Variants in TGM2 observed in about 807,000 individuals in gnomAD.
TGM2 encodes the protein protein-glutamine gamma-glutamyltransferase 2.
Under a neutral mutation model 75.6 loss-of-function variants are expected in TGM2, and 53 were observed. That is an observed-to-expected ratio of 0.70 (90% CI 0.56 to 0.88). TGM2 has a LOEUF of 0.88. Ranked by LOEUF, TGM2 falls within the 40% of genes least tolerant of loss-of-function variation. The probability of loss-of-function intolerance (pLI) is 0.00; values close to 1 mark genes in which losing one functional copy is unlikely to be tolerated. For synonymous variants in TGM2, 374 were observed against 381.1 expected, an observed-to-expected ratio of 0.98 and a Z score of 0.22; for missense variants, 842 against 928.5, an observed-to-expected ratio of 0.91 and a Z score of 1.21.
In TGM2 at chr20:38,131,185, C is replaced by A. The variant is rs756907884; in HGVS notation, c.1821G>T (p.Val607=). The A allele has an allele frequency of 6.2e-7, 1 of 1,613,824 alleles. No homozygotes were observed. Among genetic ancestry groups the A allele is most frequent in the Non-Finnish European group, 8.5e-7 (1 of 1,180,020 alleles). The change falls in exon 12 of 13, where the codon GTG becomes GTT. Residue 607 remains valine (V), a synonymous_variant. Coordinates refer to ENST00000361475, the MANE Select transcript of TGM2 (RefSeq NM_004613.4). ...PKQKRKLVAE[V]SLQNPLPVAL... is the part of the protein sequence containing the mutation. ...CCACAGGGAGCGGGTTCTGCAGGGA[C>A]ACCTCAGCCACCAGCTTGCGTTTCT...
chr20:38,147,904 G>A (rs914103283), intron 5 of TGM2, 57 bp downstream of exon 5: 9 of 1,574,270 alleles, frequency 5.7e-6, no homozygotes, highest in Middle Eastern at 2.3e-4. Context: ...GCGAGGGAGA[G>A]GCCTGCGGGA....
intron 7 of TGM2, 40 bp from the exon 8 acceptor site, chr20:38,141,425 G>T: frequency 6.9e-7 from 1 of 1,457,748 alleles, no homozygotes; most frequent in Non-Finnish European, 9.4e-7. Flanking sequence ...CAGAACATGA[G>T]CAACATTCAT....
chr20:38,147,090 G>A (rs1389539399), intron 5 of TGM2, among the ~76,000 whole-genome samples, 196 bp from the exon 6 acceptor site: 4 of 152,106 alleles, frequency 2.6e-5, no homozygotes, highest in Non-Finnish European at 5.9e-5. Context: ...GGGGACAGGA[G>A]GGAGATGGGG....
Position 38,155,759 on chromosome 20 carries a change from C to T in TGM2, c.433+88G>A, listed in dbSNP as rs2075176076. ...CCACTTTGATGTGTGTCTCTTATCC[C>T]CTGTTCTTCTCACCTCCAGTAGCCT... is the stretch of plus-strand genomic sequence containing the variant. On this transcript the variant is annotated intron_variant, in intron 3 of 12. Transcript: ENST00000361475. The T allele has an allele frequency of 1.7e-5, 26 of 1,504,416 alleles. No homozygotes were observed. The South Asian group carries it at 3.2e-4, about 19-fold the overall frequency. 93.2% of individuals were successfully genotyped at this position (1,504,416 alleles called of 1,614,324 possible).
In TGM2 at chr20:38,138,377, CTGAGGACCCTGTAGGGGT is replaced by C; in HGVS notation, c.1343-10_1350del. ...GCCCTTGTGAAGGCCTCCCTCTCCTCTGAGGACCCTGTAGGGGTTGAGAAGAGAGCCTCAATCACAGCT... is the reference window on the plus strand; with the variant it reads ...GCCCTTGTGAAGGCCTCCCTCTCCTCTGAGAAGAGAGCCTCAATCACAGCT... On this transcript the variant is annotated splice_acceptor_variant and splice_polypyrimidine_tract_variant and coding_sequence_variant and intron_variant, in exon 10 of 13. Transcript: ENST00000361475. LOFTEE classifies it high-confidence loss of function. 1 of 1,614,014 alleles carries C rather than the reference CTGAGGACCCTGTAGGGGT, an allele frequency of 6.2e-7. No individual in the cohort carries two copies. The highest frequency in any genetic ancestry group is 8.5e-7 in the Non-Finnish European group (1 of 1,180,044).
chr20:38,146,881 T>C lies in TGM2; in HGVS notation c.695A>G (p.Asp232Gly), dbSNP rs1474904062. 1 of 1,613,246 alleles carries C rather than the reference T, an allele frequency of 6.2e-7. No homozygotes were observed. The highest frequency in any genetic ancestry group is 1.7e-5 in the Admixed American group (1 of 60,030). Reference sequence around the variant, plus strand: ...GCGTCCCAGCAGCACACCCTGGTCATCGTTGCAGTTGACCTGCAACCAGTG... The same window carrying C: ...GCGTCCCAGCAGCACACCCTGGTCACCGTTGCAGTTGACCTGCAACCAGTG... ...RVVSGMVNCNDDQGVLLGRWD... is the reference protein window; with the variant it reads ...RVVSGMVNCNGDQGVLLGRWD... The change falls in exon 6 of 13, where the codon GAT becomes GGT. Residue 232 changes from aspartate (D) to glycine (G), a missense_variant. Asp to Gly is a moderately conservative substitution (Grantham distance 94). Transcript: ENST00000361475.
chr20:38,145,014 G>A (rs2122899621), intron 6 of TGM2, among the ~76,000 whole-genome samples: 1 of 152,310 alleles, frequency 6.6e-6, no homozygotes, highest in Non-Finnish European at 1.5e-5. Flanking sequence ...GGTTTTTCCA[G>A]GAAAACCCAT....
intron 4 of TGM2, among the ~76,000 whole-genome samples, chr20:38,149,789 T>C (rs1031353759): frequency 6.6e-6 from 1 of 151,896 alleles, no homozygotes; most frequent in Admixed American, 6.6e-5. Context: ...AGCCAATTCA[T>C]TTTCTGATGT....
intron 4 of TGM2, 39 bp downstream of exon 4, chr20:38,150,900 G>A (rs2075107640): frequency 4.0e-6 from 6 of 1,488,236 alleles, no homozygotes; most frequent in African/African-American, 1.4e-5. Context: ...CACACAGAAG[G>A]GCCTGAGATG....
intron 10 of TGM2, among the ~76,000 whole-genome samples, chr20:38,134,380 G>A (rs1006479356): frequency 6.6e-6 from 1 of 152,198 alleles, no homozygotes; most frequent in Non-Finnish European, 1.5e-5. Context: ...AGACCTGGTG[G>A]TGCAGAGTGG....
intron 3 of TGM2, among the ~76,000 whole-genome samples, chr20:38,154,733 C>T (rs2122947767): frequency 6.6e-6 from 1 of 152,050 alleles, no homozygotes; most frequent in Admixed American, 6.5e-5. Context: ...TCCTACTCAC[C>T]CCCCTCCCCC....
chr20:38,131,253 G>A (rs1163203609), intron 11 of TGM2, 24 bp from the exon 12 acceptor site: 3 of 1,613,162 alleles, frequency 1.9e-6, no homozygotes, highest in East Asian at 2.2e-5. Flanking sequence ...TGGGGCAGAT[G>A]TCAAGGGCAG....
In TGM2 at chr20:38,129,990, C is replaced by A. The variant is rs2074805852; in HGVS notation, c.*229G>T. On this transcript the variant is annotated 3_prime_UTR_variant, in exon 13 of 13. Coordinates refer to ENST00000361475, the MANE Select transcript of TGM2 (RefSeq NM_004613.4). ...CCCCAGTCAGCCAAGGTCAGGGCTCCCACTGTTTCTGGCACAGAGCATTCC... is the reference window on the plus strand; with the variant it reads ...CCCCAGTCAGCCAAGGTCAGGGCTCACACTGTTTCTGGCACAGAGCATTCC... 1.7e-6 allele frequency: 1 copy of A among 601,508 alleles called. No individual in the cohort carries two copies. The highest frequency in any genetic ancestry group is 2.9e-6 in the Non-Finnish European group (1 of 344,586). 37.3% of individuals were successfully genotyped at this position (601,508 alleles called of 1,614,324 possible). A position where few individuals can be genotyped will look rare whatever the true frequency, so the allele number is the denominator to read the frequency against.
chr20:38,130,556 T>C (rs1354361904), intron 12 of TGM2, among the ~76,000 whole-genome samples, 187 bp from the exon 13 acceptor site: 15 of 152,150 alleles, frequency 9.9e-5, no homozygotes, highest in Admixed American at 9.8e-4. Flanking sequence ...TGTGCACGCA[T>C]GTGTGTCCGT....
In TGM2 at chr20:38,129,985, G is replaced by T; in HGVS notation, c.*234C>A. On this transcript the variant is annotated 3_prime_UTR_variant, in exon 13 of 13. Transcript: ENST00000361475. ...CCCAGCCCCAGTCAGCCAAGGTCAG[G>T]GCTCCCACTGTTTCTGGCACAGAGC... 1.7e-6 allele frequency: 1 copy of T among 592,458 alleles called. No homozygotes were observed. The highest frequency in any genetic ancestry group is 3.0e-5 in the Admixed American group (1 of 33,386). 36.7% of individuals were successfully genotyped at this position (592,458 alleles called of 1,614,324 possible). A position where few individuals can be genotyped will look rare whatever the true frequency, so the allele number is the denominator to read the frequency against.
At position 38,160,977 on chromosome 20, in the gene TGM2, A is replaced by AT. The variant is rs1328448403; in HGVS notation, c.190+442dup. Reference sequence around the variant, plus strand: ...CACCATGCCTGGCTTGTGGATAGGAATTTTTTTACTACAGACAGGGTTTCT... The same window carrying AT: ...CACCATGCCTGGCTTGTGGATAGGAATTTTTTTTACTACAGACAGGGTTTCT... On this transcript the variant is annotated intron_variant, in intron 2 of 12. Coordinates refer to ENST00000361475, the MANE Select transcript of TGM2 (RefSeq NM_004613.4). Among the ~76,000 whole-genome samples, 8 of 152,048 alleles carry AT rather than the reference A, an allele frequency of 5.3e-5. No individual in the cohort carries two copies. In the South Asian group the frequency reaches 8.3e-4, roughly 16 times the overall value.
At chr20:38,149,580 GA>G (rs2030695699) in intron 4 of TGM2, among the ~76,000 whole-genome samples, 1 of 150,500 alleles carries the variant, frequency 6.6e-6, no homozygotes, top group African/African-American at 2.4e-5. Context: ...TCGGGAGGCT[GA>G]AGCAGGAGAA....
Position 38,147,561 on chromosome 20 carries a change from C to T in TGM2, c.681+400G>A, listed in dbSNP as rs139584596. On this transcript the variant is annotated intron_variant, in intron 5 of 12. Coordinates refer to ENST00000361475, the MANE Select transcript of TGM2 (RefSeq NM_004613.4). ...TCTCACACCTCGGGTTCCTTCAGAGCGTGCACCATCATTTATGAACCATGT... is the reference window on the plus strand; with the variant it reads ...TCTCACACCTCGGGTTCCTTCAGAGTGTGCACCATCATTTATGAACCATGT... Among the ~76,000 whole-genome samples, 137 of 152,208 alleles carry T rather than the reference C, an allele frequency of 9.0e-4. 1 individual carries two copies. The highest frequency in any genetic ancestry group is 4.1e-3 in the Admixed American group (62 of 15,292).
In TGM2 at chr20:38,142,135, G is replaced by A; in HGVS notation, c.924C>T (p.Asn308=). The change falls in exon 7 of 13, where the codon AAC becomes AAT. Residue 308 remains asparagine (N), a synonymous_variant. Transcript: ENST00000361475. ...VTNYNSAHDQ[N]SNLLIEYFRN... Reference sequence around the variant, plus strand: ...GGAAGTACTCGATGAGAAGGTTGCTGTTCTGGTCATGGGCCGAGTTGTAGT... The same window carrying A: ...GGAAGTACTCGATGAGAAGGTTGCTATTCTGGTCATGGGCCGAGTTGTAGT... 1.2e-6 allele frequency: 2 copies of A among 1,614,178 alleles called. No homozygotes were observed. Among genetic ancestry groups the A allele is most frequent in the Middle Eastern group, 1.6e-4 (1 of 6,062 alleles).
Sources: allele counts gnomAD v4.1 joint callset (sites outside exome capture counted in the v4.1 genomes callset), GRCh38; gene constraint gnomAD v4.1.1; transcripts MANE v1.5; gene names NCBI Gene and HGNC (gene_info 2026-07-23, HGNC 2026-07-21).